GABRG3: variants seen among roughly 807,000 people sequenced by gnomAD.
GABRG3 encodes gamma-aminobutyric acid type A receptor subunit gamma3.
GABRG3 carries 25 observed loss-of-function variants against 48.8 expected under a neutral mutation model. The ratio of observed to expected loss-of-function variants is 0.51; its 90% confidence interval spans 0.37 to 0.72. GABRG3 has a LOEUF of 0.72. GABRG3 is among the 30% of genes least tolerant of loss of function. The pLI, the probability that GABRG3 is intolerant of heterozygous loss-of-function variation, is 0.00. For synonymous variants in GABRG3, 227 were observed against 217.6 expected (o/e 1.04, Z -0.38); for missense variants, 394 against 577.9 (o/e 0.68, Z 3.26).
At chr15:27,422,088 G>A (rs1007854206) in intron 5 of GABRG3, among the ~76,000 whole-genome samples, 4 of 149,916 alleles carry the variant, frequency 2.7e-5, no homozygotes, top group Non-Finnish European at 5.9e-5. Context: ...CCAATACTGA[G>A]TGTCCTAAGA....
intron 6 of GABRG3, among the ~76,000 whole-genome samples, chr15:27,494,989 G>A (rs956509001): frequency 2.0e-5 from 3 of 152,034 alleles, no homozygotes; most frequent in Non-Finnish European, 2.9e-5. Context: ...CTCTCATTAA[G>A]CACTACTTTA....
chr15:27,058,996 C>T (rs1384230081), intron 3 of GABRG3, among the ~76,000 whole-genome samples: 1 of 152,156 alleles, frequency 6.6e-6, no homozygotes, highest in Non-Finnish European at 1.5e-5. Flanking sequence ...TCTTGATTTG[C>T]CATTTGGGGA....
chr15:27,365,522 C>T (rs1381744383), intron 5 of GABRG3: 1 of 152,224 alleles, frequency 6.6e-6, no homozygotes, highest in African/African-American at 2.4e-5. Context: ...CTTGATGTTT[C>T]CTCCTGGTCA....
rs1277522355 is a variant in GABRG3, at chr15:27,236,150, C to T, written c.271-90659C>T. Among the ~76,000 whole-genome samples the T allele has an allele frequency of 1.3e-5, 2 of 152,154 alleles. No homozygotes were observed. Among genetic ancestry groups the T allele is most frequent in the East Asian group, 1.9e-4 (1 of 5,190 alleles). ...CCCCATCAGATCCATGGTACAGACC[C>T]AGAACACTTTTCTGTAAACCGTGTC... On this transcript the variant is annotated intron_variant, in intron 3 of 9. Transcript: ENST00000615808. The surrounding 1 kb of genome is among the most constrained non-coding windows in gnomAD (Gnocchi z 4.4).
intron 3 of GABRG3, among the ~76,000 whole-genome samples, chr15:27,090,047 C>T (rs1897158522): frequency 6.6e-6 from 1 of 152,124 alleles, no homozygotes; most frequent in Non-Finnish European, 1.5e-5. Flanking sequence ...GTTTTCAGTT[C>T]TTTTGTGTAT....
chr15:27,440,435 A>G (rs559419579), intron 5 of GABRG3, among the ~76,000 whole-genome samples: 1 of 152,236 alleles, frequency 6.6e-6, no homozygotes, highest in East Asian at 1.9e-4. Context: ...CTGGCTCCCA[A>G]ATTCCTTTTC....
chr15:27,130,894 G>A (rs1242666147), intron 3 of GABRG3, among the ~76,000 whole-genome samples: 1 of 151,864 alleles, frequency 6.6e-6, no homozygotes, highest in Non-Finnish European at 1.5e-5. Flanking sequence ...TACTTCATTT[G>A]TTAGTCCTAA....
At chr15:27,218,845 C>T (rs1889354370) in intron 3 of GABRG3, among the ~76,000 whole-genome samples, 1 of 152,158 alleles carries the variant, frequency 6.6e-6, no homozygotes, top group South Asian at 2.1e-4. Flanking sequence ...CTTTCCTCAC[C>T]CCACAGTATG....
intron 5 of GABRG3, among the ~76,000 whole-genome samples, chr15:27,407,731 C>T (rs1437046864): frequency 6.6e-6 from 1 of 152,138 alleles, no homozygotes; most frequent in Non-Finnish European, 1.5e-5. Context: ...CTGTATGATT[C>T]TAACTATATG....
At chr15:27,472,159 G>A (rs987040418) in intron 5 of GABRG3, among the ~76,000 whole-genome samples, 1 of 151,870 alleles carries the variant, frequency 6.6e-6, no homozygotes, top group Non-Finnish European at 1.5e-5. Context: ...CATAGGATTT[G>A]AATGTTTTTT....
intron 5 of GABRG3, among the ~76,000 whole-genome samples, chr15:27,385,415 C>G (rs1469987575): frequency 1.3e-5 from 2 of 151,520 alleles, no homozygotes; most frequent in Non-Finnish European, 2.9e-5. Context: ...AGGTTTGAAT[C>G]AAATTTTGAA....
chr15:27,058,814 A>G (rs1205965005), intron 3 of GABRG3, among the ~76,000 whole-genome samples: 1 of 152,168 alleles, frequency 6.6e-6, no homozygotes, highest in African/African-American at 2.4e-5. Flanking sequence ...CTATAAAACT[A>G]TGCCATATCG....
intron 5 of GABRG3, among the ~76,000 whole-genome samples, chr15:27,458,958 G>A (rs1889369411): frequency 6.6e-6 from 1 of 152,186 alleles, no homozygotes; most frequent in Non-Finnish European, 1.5e-5. Flanking sequence ...CTCTCTGGCT[G>A]TGGTGTGCCC....
intron 5 of GABRG3, among the ~76,000 whole-genome samples, chr15:27,401,486 G>A (rs1887472576): frequency 6.6e-6 from 1 of 152,180 alleles, no homozygotes. Flanking sequence ...CTTTTTCAAT[G>A]TAGATTCTGG....
intron 3 of GABRG3, among the ~76,000 whole-genome samples, chr15:27,265,065 A>G (rs1301948849): frequency 2.0e-5 from 3 of 152,124 alleles, no homozygotes; most frequent in Non-Finnish European, 4.4e-5. Flanking sequence ...TAACAACCTT[A>G]TAATAATTAA....
intron 3 of GABRG3, among the ~76,000 whole-genome samples, chr15:27,046,513 C>T (rs1896368388): frequency 6.6e-6 from 1 of 152,242 alleles, no homozygotes; most frequent in African/African-American, 2.4e-5. Flanking sequence ...CTGTGCTGAT[C>T]ACTGTGTGGT....
intron 5 of GABRG3, among the ~76,000 whole-genome samples, chr15:27,333,398 G>A (rs1325357267): frequency 5.3e-5 from 8 of 152,100 alleles, no homozygotes; most frequent in Non-Finnish European, 7.3e-5. Flanking sequence ...CCTAGAGGCC[G>A]CCCGCATTCC....
intron 2 of GABRG3, among the ~76,000 whole-genome samples, chr15:27,014,641 T>C (rs1053408598): frequency 2.6e-5 from 4 of 152,188 alleles, no homozygotes; most frequent in African/African-American, 9.6e-5. Context: ...TATTGTACTT[T>C]GAGTGATTTA....
At chr15:26,994,003 G>A (rs967039167) in intron 2 of GABRG3, among the ~76,000 whole-genome samples, 3 of 151,570 alleles carry the variant, frequency 2.0e-5, no homozygotes, top group Non-Finnish European at 2.9e-5. Flanking sequence ...AATCTGTTTC[G>A]TCTGATATAG....
Sources: allele counts gnomAD v4.1 joint callset (sites outside exome capture counted in the v4.1 genomes callset), GRCh38; gene constraint gnomAD v4.1.1; non-coding constraint Gnocchi (gnomAD v3.1); transcripts MANE v1.5; gene names NCBI Gene and HGNC (gene_info 2026-07-23, HGNC 2026-07-21).